CNTNAP2: variants seen among roughly 807,000 people sequenced by gnomAD.
CNTNAP2 encodes the protein contactin-associated protein-like 2.
CNTNAP2 carries 98 observed loss-of-function variants against 155.2 expected under a neutral mutation model. The observed-to-expected ratio is 0.63, with a 90% CI of 0.54 to 0.75. CNTNAP2 has a LOEUF of 0.75. Among genes scored for constraint, CNTNAP2 ranks in the 30% least tolerant of loss-of-function variants. The probability of loss-of-function intolerance (pLI) is 0.00; values close to 1 mark genes in which losing one functional copy is unlikely to be tolerated. For synonymous variants in CNTNAP2, 651 were observed against 631.2 expected (o/e 1.03, Z -0.47); for missense variants, 1,727 against 1,688.1 (o/e 1.02, Z -0.40).
At chr7:146,873,584 A>G (rs1365955304) in intron 3 of CNTNAP2, among the ~76,000 whole-genome samples, 2 of 152,134 alleles carry the variant, frequency 1.3e-5, no homozygotes, top group East Asian at 3.9e-4. Context: ...GTGGGCTCCT[A>G]GAGTATTTGA....
chr7:146,972,129 A>G (rs1797813024), intron 3 of CNTNAP2, among the ~76,000 whole-genome samples: 2 of 152,138 alleles, frequency 1.3e-5, no homozygotes, highest in African/African-American at 2.4e-5. Context: ...GTTGAGGGGG[A>G]AAATCATCCT....
At chr7:146,903,310 T>C (rs1375136515) in intron 3 of CNTNAP2, among the ~76,000 whole-genome samples, 1 of 152,180 alleles carries the variant, frequency 6.6e-6, no homozygotes, top group Non-Finnish European at 1.5e-5. Context: ...ACACCATTAC[T>C]ATGCTGAAAA....
At chr7:146,822,487 T>A (rs115525200) in intron 2 of CNTNAP2, among the ~76,000 whole-genome samples, 13,063 of 144,254 alleles carry the variant, frequency 0.091, 1,633 homozygotes, top group African/African-American at 0.29. Flanking sequence ...TACAAAAATT[T>A]AAAAAAAAAA....
At chr7:146,789,599 C>CAAA (rs35157587) in intron 2 of CNTNAP2, among the ~76,000 whole-genome samples, 2 of 122,908 alleles carry the variant, frequency 1.6e-5, no homozygotes, top group African/African-American at 3.0e-5. Flanking sequence ...GGGTGGCAGG[C>CAAA]AAAAAAAAAA....
chr7:147,374,561 T>C (rs1035372830), intron 9 of CNTNAP2, among the ~76,000 whole-genome samples: 2 of 152,096 alleles, frequency 1.3e-5, no homozygotes, highest in African/African-American at 2.4e-5. Flanking sequence ...TACTGTAAAG[T>C]GCTTTGAAGA....
chr7:146,960,050 T>A (rs1186007204), intron 3 of CNTNAP2, among the ~76,000 whole-genome samples: 1 of 152,184 alleles, frequency 6.6e-6, no homozygotes, highest in Non-Finnish European at 1.5e-5. Context: ...TCGTGTCACC[T>A]GACACTCACC....
intron 1 of CNTNAP2, among the ~76,000 whole-genome samples, chr7:146,731,225 G>A (rs942145573): frequency 6.6e-6 from 1 of 152,120 alleles, no homozygotes; most frequent in Non-Finnish European, 1.5e-5. Context: ...ACCATGATGG[G>A]GGATGAGGGG....
intron 16 of CNTNAP2, among the ~76,000 whole-genome samples, chr7:148,134,345 C>G (rs1409678607): frequency 6.6e-6 from 1 of 152,128 alleles, no homozygotes; most frequent in African/African-American, 2.4e-5. Flanking sequence ...AATTATAACA[C>G]TGAATTATGC....
chr7:146,671,919 G>A (rs539746935), intron 1 of CNTNAP2, among the ~76,000 whole-genome samples: 61 of 152,014 alleles, frequency 4.0e-4, no homozygotes, highest in African/African-American at 1.3e-3. Flanking sequence ...GGGTTCAAGC[G>A]ATTCTCCTGC....
intron 21 of CNTNAP2, among the ~76,000 whole-genome samples, chr7:148,332,288 T>C (rs1798041054): frequency 6.6e-6 from 1 of 152,198 alleles, no homozygotes; most frequent in African/African-American, 2.4e-5. Flanking sequence ...AAGCCATGTA[T>C]GCTTTATTTG....
intron 11 of CNTNAP2, among the ~76,000 whole-genome samples, chr7:147,487,615 A>G (rs1001652030): frequency 1.3e-5 from 2 of 152,152 alleles, no homozygotes; most frequent in South Asian, 2.1e-4. Flanking sequence ...AGGATTTTCT[A>G]TCTCAGTGAT....
intron 8 of CNTNAP2, among the ~76,000 whole-genome samples, chr7:147,186,597 G>T (rs1309568514): frequency 6.6e-6 from 1 of 152,184 alleles, no homozygotes; most frequent in Non-Finnish European, 1.5e-5. Flanking sequence ...TCTCATTGGA[G>T]TAGGAGGTGC....
At chr7:147,298,154 C>T (rs747942243) in intron 8 of CNTNAP2, among the ~76,000 whole-genome samples, 21 of 152,026 alleles carry the variant, frequency 1.4e-4, no homozygotes, top group Non-Finnish European at 2.4e-4. Flanking sequence ...AGTGGCCAGG[C>T]GCAGTGGCTC....
At chr7:146,836,101 GAGA>G (rs903569410) in intron 2 of CNTNAP2, among the ~76,000 whole-genome samples, 4 of 152,162 alleles carry the variant, frequency 2.6e-5, no homozygotes, top group African/African-American at 7.2e-5. Flanking sequence ...AATAGAAACT[GAGA>G]AGTAGTTACA....
intron 8 of CNTNAP2, among the ~76,000 whole-genome samples, chr7:147,218,508 T>C (rs1295497346): frequency 6.6e-6 from 1 of 152,074 alleles, no homozygotes; most frequent in African/African-American, 2.4e-5. Flanking sequence ...ATGTGTTATT[T>C]AGAATGGTTT....
chr7:146,118,309 A>G (rs759428191), intron 1 of CNTNAP2, among the ~76,000 whole-genome samples: 5 of 152,204 alleles, frequency 3.3e-5, no homozygotes, highest in Non-Finnish European at 5.9e-5. Flanking sequence ...AAAACATTGT[A>G]TAGCATTTTT....
intron 2 of CNTNAP2, among the ~76,000 whole-genome samples, chr7:146,808,639 C>A (rs532275556): frequency 6.6e-6 from 1 of 152,302 alleles, no homozygotes; most frequent in South Asian, 2.1e-4. Context: ...CATTACCACT[C>A]ATGCTGTACA....
intron 8 of CNTNAP2, among the ~76,000 whole-genome samples, chr7:147,246,081 T>TACATATATATGGCATATATATATATACAC (rs1804058729): frequency 6.7e-6 from 1 of 149,462 alleles, no homozygotes; most frequent in Admixed American, 6.7e-5. Flanking sequence ...TATATATATA[T>TACATATATATGGCATATATATATATACAC]ACATATATAT....
chr7:146,224,801 C>T (rs541453840), intron 1 of CNTNAP2, among the ~76,000 whole-genome samples: 3 of 152,124 alleles, frequency 2.0e-5, no homozygotes, highest in East Asian at 3.9e-4. Context: ...GCAACAAAAA[C>T]GAAGATTTGG....
Sources: allele counts gnomAD v4.1 joint callset (sites outside exome capture counted in the v4.1 genomes callset), GRCh38; gene constraint gnomAD v4.1.1; transcripts MANE v1.5; gene names NCBI Gene and HGNC (gene_info 2026-07-23, HGNC 2026-07-21).